ADGRL3: variants seen among roughly 807,000 people sequenced by gnomAD.
ADGRL3 encodes adhesion G protein-coupled receptor L3.
A neutral mutation model predicts 153.5 loss-of-function variants in ADGRL3; 62 were observed. The ratio of observed to expected loss-of-function variants is 0.40; its 90% CI spans 0.33 to 0.50. The LOEUF (loss-of-function observed/expected upper bound fraction) is 0.50. Ranked by LOEUF, ADGRL3 falls within the 20% of genes least tolerant of loss-of-function variation. The probability of loss-of-function intolerance (pLI) is 0.47; values close to 1 mark genes in which losing one functional copy is unlikely to be tolerated. For synonymous variants in ADGRL3, 710 were observed against 672.5 expected (o/e 1.06, Z -0.86); for missense variants, 1,641 against 1,859.4 (o/e 0.88, Z 2.16).
At chr4:61,797,588 A>T (rs1239094565) in intron 8 of ADGRL3, among the ~76,000 whole-genome samples, 1 of 152,184 alleles carries the variant, frequency 6.6e-6, no homozygotes, top group Non-Finnish European at 1.5e-5. Flanking sequence ...AAATATCATC[A>T]ATGTGATCAT....
chr4:61,416,282 A>G (rs1169290121), intron 2 of ADGRL3, among the ~76,000 whole-genome samples: 1 of 152,088 alleles, frequency 6.6e-6, no homozygotes, highest in African/African-American at 2.4e-5. Context: ...GTAATTTTTC[A>G]GGAAAAGCCG....
chr4:61,887,209 T>A (rs1218659074), intron 9 of ADGRL3, among the ~76,000 whole-genome samples: 2 of 151,778 alleles, frequency 1.3e-5, no homozygotes, highest in Non-Finnish European at 1.5e-5. Flanking sequence ...TCTTATTAAT[T>A]TTTTTTAGAA....
At chr4:61,409,953 T>C (rs1347955390) in intron 2 of ADGRL3, among the ~76,000 whole-genome samples, 2 of 152,030 alleles carry the variant, frequency 1.3e-5, no homozygotes, top group African/African-American at 4.8e-5. Context: ...CATTTTTGTA[T>C]ATGTGGATGC....
At chr4:61,413,955 A>C (rs1356684307) in intron 2 of ADGRL3, among the ~76,000 whole-genome samples, 1 of 152,122 alleles carries the variant, frequency 6.6e-6, no homozygotes, top group Non-Finnish European at 1.5e-5. Flanking sequence ...CATTTTATTA[A>C]AATCGTGCAT....
At chr4:61,729,226 A>T (rs1393454362) in intron 6 of ADGRL3, among the ~76,000 whole-genome samples, 1 of 152,074 alleles carries the variant, frequency 6.6e-6, no homozygotes, top group South Asian at 2.1e-4. Flanking sequence ...TATTTAAAAC[A>T]TAATAATATT....
intron 1 of ADGRL3, among the ~76,000 whole-genome samples, chr4:61,279,562 G>T (rs2149955484): frequency 6.6e-6 from 1 of 152,228 alleles, no homozygotes; most frequent in Non-Finnish European, 1.5e-5. Context: ...ATAAGATGTG[G>T]TTGGACTTTA....
At chr4:61,311,373 G>A (rs1435601297) in intron 1 of ADGRL3, among the ~76,000 whole-genome samples, 1 of 152,172 alleles carries the variant, frequency 6.6e-6, no homozygotes, top group Non-Finnish European at 1.5e-5. Flanking sequence ...TATTTGGAAG[G>A]CCAGGTCTGC....
At chr4:61,554,418 A>T (rs1450987367) in intron 4 of ADGRL3, among the ~76,000 whole-genome samples, 1 of 151,562 alleles carries the variant, frequency 6.6e-6, no homozygotes, top group Non-Finnish European at 1.5e-5. Flanking sequence ...CTGGTCTCAA[A>T]CTCCTGACTT....
At chr4:61,853,635 G>A (rs2098232745) in intron 9 of ADGRL3, among the ~76,000 whole-genome samples, 1 of 152,194 alleles carries the variant, frequency 6.6e-6, no homozygotes, top group African/African-American at 2.4e-5. Context: ...AAGCCTGCTT[G>A]TGTTTGTGTC....
chr4:61,315,104 A>G (rs2095159625), intron 1 of ADGRL3, among the ~76,000 whole-genome samples: 1 of 152,182 alleles, frequency 6.6e-6, no homozygotes, highest in Non-Finnish European at 1.5e-5. Context: ...TTGAAGAATA[A>G]GAGATAGTGA....
intron 17 of ADGRL3, among the ~76,000 whole-genome samples, chr4:61,974,472 TA>T (rs2099041018): frequency 1.3e-5 from 2 of 152,164 alleles, no homozygotes; most frequent in Non-Finnish European, 2.9e-5. Flanking sequence ...GGCTTTTTAT[TA>T]AACGAAAATT....
chr4:61,729,225 CATA>C (rs1199322465), intron 6 of ADGRL3, among the ~76,000 whole-genome samples: 1 of 151,790 alleles, frequency 6.6e-6, no homozygotes, highest in Non-Finnish European at 1.5e-5. Context: ...CTATTTAAAA[CATA>C]ATAATATTTA....
intron 13 of ADGRL3, among the ~76,000 whole-genome samples, chr4:61,932,370 G>T (rs1043041087): frequency 1.3e-5 from 2 of 152,004 alleles, no homozygotes; most frequent in African/African-American, 4.8e-5. Context: ...TTCCTAGTTT[G>T]TTGAGCTTTT....
chr4:61,759,462 A>T (rs1580681034), intron 8 of ADGRL3, among the ~76,000 whole-genome samples: 1 of 152,130 alleles, frequency 6.6e-6, no homozygotes, highest in African/African-American at 2.4e-5. Context: ...AGTTGATCAG[A>T]TCGACTACGA....
chr4:61,376,691 C>T (rs1006358206), intron 1 of ADGRL3, among the ~76,000 whole-genome samples: 4 of 152,156 alleles, frequency 2.6e-5, no homozygotes, highest in Non-Finnish European at 5.9e-5. Context: ...TTTCTCCCTT[C>T]ATAAGAAGCT....
At chr4:62,029,274 A>G (rs1720625380) in intron 22 of ADGRL3, among the ~76,000 whole-genome samples, 1 of 151,764 alleles carries the variant, frequency 6.6e-6, no homozygotes, top group Non-Finnish European at 1.5e-5. Flanking sequence ...TTACTGGTAT[A>G]TCTTCAAAAT....
chr4:61,614,768 C>T (rs1490327226), intron 5 of ADGRL3, among the ~76,000 whole-genome samples: 1 of 152,082 alleles, frequency 6.6e-6, no homozygotes, highest in Admixed American at 6.6e-5. Flanking sequence ...ACTTATTTTA[C>T]TCCTTTCTTT....
intron 1 of ADGRL3, among the ~76,000 whole-genome samples, chr4:61,206,375 G>A (rs1737202606): frequency 6.6e-6 from 1 of 152,190 alleles, no homozygotes; most frequent in African/African-American, 2.4e-5. Context: ...TTCCATGTCA[G>A]TTACTTTGTA....
intron 8 of ADGRL3, among the ~76,000 whole-genome samples, chr4:61,802,410 C>T (rs912217794): frequency 4.6e-5 from 7 of 152,104 alleles, no homozygotes; most frequent in African/African-American, 7.2e-5. Context: ...ATGTCTCACA[C>T]CATCACTGTA....
Sources: gnomAD v4.1 joint callset for allele counts (sites outside exome capture counted in the v4.1 genomes callset) on GRCh38, gnomAD v4.1.1 for gene constraint, MANE v1.5 for transcripts, NCBI Gene and HGNC (gene_info 2026-07-23, HGNC 2026-07-21) for gene names.